ENTREP2: variants seen among roughly 807,000 people sequenced by gnomAD.
ENTREP2 encodes protein ENTREP2.
chr15:29,317,201 A>G, the ENTREP2 span, among the ~76,000 whole-genome samples: 1 of 152,210 alleles, frequency 6.6e-6, no homozygotes, highest in African/African-American at 2.4e-5. Context: ...TACCAGATAC[A>G]ATGATGTTAT....
the ENTREP2 span, among the ~76,000 whole-genome samples, chr15:29,402,486 T>A: frequency 6.6e-6 from 1 of 152,116 alleles, no homozygotes; most frequent in Non-Finnish European, 1.5e-5. Context: ...GATTTTTGTA[T>A]CTTTTGTAGA....
At chr15:29,425,210 T>TC in the ENTREP2 span, among the ~76,000 whole-genome samples, 3 of 149,136 alleles carry the variant, frequency 2.0e-5, no homozygotes, top group African/African-American at 7.4e-5. Context: ...TTTTTTTTTT[T>TC]GTATTTTTTA....
the ENTREP2 span, among the ~76,000 whole-genome samples, chr15:29,289,559 T>G: frequency 1.3e-5 from 2 of 152,020 alleles, no homozygotes; most frequent in Non-Finnish European, 2.9e-5. Flanking sequence ...AAAGATTTGA[T>G]ATGAGGCACG....
the ENTREP2 span, among the ~76,000 whole-genome samples, chr15:29,360,813 G>A: frequency 6.6e-6 from 1 of 152,200 alleles, no homozygotes; most frequent in Non-Finnish European, 1.5e-5. Context: ...TGGTCTGAGA[G>A]CCAGATGCTA....
the ENTREP2 span, among the ~76,000 whole-genome samples, chr15:29,480,166 ATTC>A: frequency 4.6e-5 from 7 of 151,838 alleles, no homozygotes; most frequent in African/African-American, 1.7e-4. Flanking sequence ...TTGTTGTTGA[ATTC>A]TTCTTACTGA....
At chr15:29,209,692 A>C in the ENTREP2 span, among the ~76,000 whole-genome samples, 1 of 152,084 alleles carries the variant, frequency 6.6e-6, no homozygotes, top group Admixed American at 6.5e-5. Context: ...CTCCGCCTGG[A>C]AAGTGCGGGT....
the ENTREP2 span, among the ~76,000 whole-genome samples, chr15:29,365,662 T>TA: frequency 0.014 from 2,107 of 150,392 alleles, 21 homozygotes; most frequent in Middle Eastern, 0.021. Flanking sequence ...CCAAAAATTA[T>TA]AAAAAAAAAT....
At chr15:29,168,854 C>G in the ENTREP2 span, among the ~76,000 whole-genome samples, 144 of 152,250 alleles carry the variant, frequency 9.5e-4, no homozygotes, top group Non-Finnish European at 4.6e-4. Context: ...ACACACTCTC[C>G]GCAAGGGTTC....
chr15:29,479,704 C>T, the ENTREP2 span, among the ~76,000 whole-genome samples: 4 of 132,888 alleles, frequency 3.0e-5, no homozygotes, highest in African/African-American at 9.4e-5. Flanking sequence ...CACACACACA[C>T]ACACATGCTG....
chr15:29,182,827 G>T, the ENTREP2 span, among the ~76,000 whole-genome samples: 4 of 151,856 alleles, frequency 2.6e-5, no homozygotes, highest in Non-Finnish European at 5.9e-5. Context: ...AGAGAGACAA[G>T]CCATAGACCA....
At chr15:29,495,259 T>C in the ENTREP2 span, among the ~76,000 whole-genome samples, 7 of 152,222 alleles carry the variant, frequency 4.6e-5, no homozygotes, top group African/African-American at 1.4e-4. Flanking sequence ...TCACATCTCA[T>C]TGTAGTTTTG....
the ENTREP2 span, among the ~76,000 whole-genome samples, chr15:29,282,084 T>C: frequency 6.6e-6 from 1 of 152,234 alleles, no homozygotes; most frequent in Non-Finnish European, 1.5e-5. Context: ...TGTATCCTCA[T>C]ATGTCATGGA....
chr15:29,444,957 CTG>C, the ENTREP2 span, among the ~76,000 whole-genome samples: 6 of 152,178 alleles, frequency 3.9e-5, no homozygotes, highest in Admixed American at 2.0e-4. Flanking sequence ...ATGTATCAGA[CTG>C]TGGACAAAGA....
chr15:29,245,460 A>G, the ENTREP2 span, among the ~76,000 whole-genome samples: 1 of 151,948 alleles, frequency 6.6e-6, no homozygotes, highest in Non-Finnish European at 1.5e-5. Flanking sequence ...GGGTTAAAAT[A>G]CGTAAATGAA....
chr15:29,433,829 A>C, the ENTREP2 span, among the ~76,000 whole-genome samples: 3 of 150,664 alleles, frequency 2.0e-5, no homozygotes, highest in Non-Finnish European at 4.4e-5. Flanking sequence ...GGATCTGTGC[A>C]TTCTCCTTTC....
At chr15:29,128,767 G>T in the ENTREP2 span, 1 of 1,541,086 alleles carries the variant, frequency 6.5e-7, no homozygotes, top group Non-Finnish European at 8.8e-7. Flanking sequence ...CCCACTTCAG[G>T]AGCTGAAAGA....
the ENTREP2 span, among the ~76,000 whole-genome samples, chr15:29,615,105 CAA>C: frequency 2.0e-5 from 3 of 152,034 alleles, no homozygotes; most frequent in South Asian, 6.3e-4. Context: ...CCCGCTTCAC[CAA>C]GAGAGGTCTT....
the ENTREP2 span, among the ~76,000 whole-genome samples, chr15:29,205,141 G>A: frequency 5.5e-3 from 837 of 152,270 alleles, 3 homozygotes; most frequent in Non-Finnish European, 0.01. Flanking sequence ...GTGGTAGCAC[G>A]TGTCGAGATT....
chr15:29,633,726 C>G, the ENTREP2 span, among the ~76,000 whole-genome samples: 22 of 152,038 alleles, frequency 1.4e-4, no homozygotes, highest in Non-Finnish European at 2.9e-5. Context: ...TTTGGGAGGC[C>G]GATGTGGGAG....
Sources: gnomAD v4.1 joint callset for allele counts (sites outside exome capture counted in the v4.1 genomes callset) on GRCh38, gnomAD v4.1.1 for gene constraint, MANE v1.5 for transcripts, NCBI Gene and HGNC (gene_info 2026-07-23, HGNC 2026-07-21) for gene names.